Variants in SIPA1L2 observed in about 807,000 individuals in gnomAD.
SIPA1L2 encodes the protein signal-induced proliferation-associated 1-like protein 2.
In SIPA1L2, 56 loss-of-function variants were observed where a neutral mutation model predicts 163.9. That is an observed-to-expected ratio of 0.34 (90% confidence interval 0.28 to 0.43). The LOEUF is 0.43. Ranked by LOEUF, SIPA1L2 falls within the 20% of genes least tolerant of loss-of-function variation. The pLI is 1.00. For missense variants in SIPA1L2, 1,974 were observed against 2,193.5 expected (o/e 0.90, Z 2.00); for synonymous variants, 877 against 865.7 (o/e 1.01, Z -0.23).
At chr1:232,614,759 A>G (rs985772223) in intron 1 of SIPA1L2, among the ~76,000 whole-genome samples, 1 of 152,228 alleles carries the variant, frequency 6.6e-6, no homozygotes, top group East Asian at 1.9e-4. Context: ...TCCTGTTAAA[A>G]ACCATTTAGC....
chr1:232,508,533 C>T (rs1666835710), intron 3 of SIPA1L2, among the ~76,000 whole-genome samples: 1 of 152,230 alleles, frequency 6.6e-6, no homozygotes, highest in Admixed American at 6.5e-5. Context: ...TGCTGCTCTG[C>T]TACAATGGAA....
intron 10 of SIPA1L2, among the ~76,000 whole-genome samples, chr1:232,454,823 T>C (rs1180370376): frequency 6.6e-6 from 1 of 152,214 alleles, no homozygotes; most frequent in Non-Finnish European, 1.5e-5. Flanking sequence ...AGACATTTAT[T>C]ATTAAGTAGT....
At chr1:232,471,670 A>ATGCCAAATT in intron 7 of SIPA1L2, 142 bp from the exon 8 acceptor site, 1 of 714,276 alleles carries the variant, frequency 1.4e-6, no homozygotes, top group Non-Finnish European at 2.1e-6. Context: ...TAAATTTGGC[A>ATGCCAAATT]TAGAAAAAGC....
At chr1:232,469,754 T>C (rs1265800291) in intron 8 of SIPA1L2, among the ~76,000 whole-genome samples, 2 of 152,096 alleles carry the variant, frequency 1.3e-5, no homozygotes, top group African/African-American at 2.4e-5. Flanking sequence ...TTCAAAAACA[T>C]TAATTAAATA....
chr1:232,624,287 A>G (rs1662963843), intron 1 of SIPA1L2, among the ~76,000 whole-genome samples: 1 of 152,234 alleles, frequency 6.6e-6, no homozygotes, highest in Admixed American at 6.5e-5. Flanking sequence ...TGCCCTGTAC[A>G]AAGAATCAAA....
rs190666834 is a variant in SIPA1L2, at chr1:232,444,064, G to T, written c.3354-379C>A. Among the ~76,000 whole-genome samples the T allele has an allele frequency of 3.3e-5, 5 of 152,100 alleles. No individual in the cohort carries two copies. The South Asian group carries it at 1.0e-3, about 32-fold the overall frequency. On this transcript the variant is annotated intron_variant, in intron 11 of 22. Coordinates refer to ENST00000674635, the MANE Select transcript of SIPA1L2 (RefSeq NM_020808.5). ...TTATGTGAAATTTAAAACAAGTCAC[G>T]TTTTAGTTCTATACTTAAAACTTAT...
At position 232,465,517 on chromosome 1, in the gene SIPA1L2, T is replaced by C. The variant is rs66908952; in HGVS notation, c.2244-101A>G. 2,085 of 562,506 alleles carry C rather than the reference T, an allele frequency of 3.7e-3. 7 individuals are homozygous for C. The highest frequency in any genetic ancestry group is 0.015 in the African/African-American group (580 of 39,950). 34.8% of individuals were successfully genotyped at this position (562,506 alleles called of 1,614,324 possible). A position where few individuals can be genotyped will look rare whatever the true frequency, so the allele number is the denominator to read the frequency against. ...ATATACACACACACACACATATACA[T>C]ACACACACACACACACATATACATA... On this transcript the variant is annotated intron_variant, in intron 8 of 22. Coordinates refer to ENST00000674635, the MANE Select transcript of SIPA1L2 (RefSeq NM_020808.5). The surrounding 1 kb of genome is among the most constrained non-coding windows in gnomAD (Gnocchi z 4.1).
At chr1:232,538,066 T>C (rs552950674) in intron 2 of SIPA1L2, among the ~76,000 whole-genome samples, 2 of 152,364 alleles carry the variant, frequency 1.3e-5, no homozygotes, top group East Asian at 3.9e-4. Flanking sequence ...GAGGAAATGC[T>C]AGGTTCAAAT....
intron 2 of SIPA1L2, among the ~76,000 whole-genome samples, chr1:232,554,422 G>T (rs146373773): frequency 5.0e-4 from 76 of 152,326 alleles, no homozygotes; most frequent in African/African-American, 1.7e-3. Context: ...TACATTTAAA[G>T]TCCTAGTTTT....
rs1437275578 is a variant in SIPA1L2, at chr1:232,428,492, C to G, written c.4329G>C (p.Glu1443Asp). Residue 1443 changes from glutamate to aspartate, a missense_variant, in exon 17 of 23, where the codon GAG becomes GAC. Glu to Asp is a conservative substitution (Grantham distance 45). Transcript: ENST00000674635. The stretch of plus-strand genomic sequence containing the variant: ...CTTCTTTAGACAGAACATGTTGAGT[C>G]TCTGCAACAGCATCTCCCACCACTG... ...HQTVVGDAVA[E>D]TQHVLSKEDF... The G allele has an allele frequency of 1.2e-6, 2 of 1,601,860 alleles. No homozygotes were observed. The highest frequency in any genetic ancestry group is 1.1e-5 in the South Asian group (1 of 88,702).
chr1:232,537,420 A>C (rs1657375693), intron 2 of SIPA1L2, among the ~76,000 whole-genome samples: 1 of 152,194 alleles, frequency 6.6e-6, no homozygotes, highest in Non-Finnish European at 1.5e-5. Context: ...GAGTTGCTTA[A>C]GAAGAACAAT....
intron 2 of SIPA1L2, among the ~76,000 whole-genome samples, chr1:232,538,323 C>T (rs1657434835): frequency 2.0e-5 from 3 of 152,092 alleles, no homozygotes; most frequent in Admixed American, 2.0e-4. Flanking sequence ...GGAAGGTCTC[C>T]TAACCCTACA....
chr1:232,614,995 C>T (rs1662426729), intron 1 of SIPA1L2, among the ~76,000 whole-genome samples: 1 of 152,216 alleles, frequency 6.6e-6, no homozygotes. Context: ...TAAGCCTCTA[C>T]TCTCAAAACA....
chr1:232,629,594 G>A (rs1270981884), intron 1 of SIPA1L2, among the ~76,000 whole-genome samples: 8 of 152,190 alleles, frequency 5.3e-5, no homozygotes, highest in African/African-American at 1.9e-4. Flanking sequence ...TCGCCGAGAC[G>A]GGAATAACCT....
At chr1:232,572,314 G>T (rs1659778101) in intron 2 of SIPA1L2, among the ~76,000 whole-genome samples, 1 of 152,164 alleles carries the variant, frequency 6.6e-6, no homozygotes, top group South Asian at 2.1e-4. Flanking sequence ...CAATGTGTTG[G>T]TTTTTCCTTA....
Position 232,515,532 on chromosome 1 carries a change from G to GT in SIPA1L2, c.-194dup. 1 of 576,772 alleles carries GT rather than the reference G, an allele frequency of 1.7e-6. No individual in the cohort carries two copies. Among genetic ancestry groups the GT allele is most frequent in the East Asian group, 2.9e-5 (1 of 34,314 alleles). 35.7% of individuals were successfully genotyped at this position (576,772 alleles called of 1,614,324 possible). On this transcript the variant is annotated 5_prime_UTR_variant, in exon 3 of 23. An upstream open reading frame in the 5' UTR gains an earlier in-frame stop. Coordinates refer to ENST00000674635, the MANE Select transcript of SIPA1L2 (RefSeq NM_020808.5). The stretch of plus-strand genomic sequence containing the variant: ...AAAGCCAACTTGCTTCTCTGTTGTC[G>GT]TAATAATGTTGTACGCCTCTGTTCT...
rs571082191 is a variant in SIPA1L2, at chr1:232,493,376, T to C, written c.1617+151A>G. 66 of 1,083,098 alleles carry C rather than the reference T, an allele frequency of 6.1e-5. No individual in the cohort carries two copies. The African/African-American group carries it at 8.4e-4, about 14-fold the overall frequency. 67.1% of individuals were successfully genotyped at this position (1,083,098 alleles called of 1,614,324 possible). Reference sequence around the variant, plus strand: ...TCCAAATTTTTCATTTAGAATAAAATACTGCAATGCCCTTTTTAATTATCT... The same window carrying C: ...TCCAAATTTTTCATTTAGAATAAAACACTGCAATGCCCTTTTTAATTATCT... On this transcript the variant is annotated intron_variant, in intron 4 of 22. Transcript: ENST00000674635.
At chr1:232,443,745 TG>T in intron 11 of SIPA1L2, 60 bp from the exon 12 acceptor site, 1 of 1,333,562 alleles carries the variant, frequency 7.5e-7, no homozygotes. Context: ...CCCCTTGACC[TG>T]GCCTGTTTTG....
At chr1:232,418,653 C>T (rs1391981554) in intron 18 of SIPA1L2, among the ~76,000 whole-genome samples, 1 of 152,208 alleles carries the variant, frequency 6.6e-6, no homozygotes, top group Admixed American at 6.5e-5. Context: ...GTATATTTCA[C>T]AACCAAAGGC....
Sources: allele counts gnomAD v4.1 joint callset (sites outside exome capture counted in the v4.1 genomes callset), GRCh38; gene constraint gnomAD v4.1.1; non-coding constraint Gnocchi (gnomAD v3.1); transcripts MANE v1.5; gene names NCBI Gene and HGNC (gene_info 2026-07-23, HGNC 2026-07-21).